ZNF280B: variants seen among roughly 807,000 people sequenced by gnomAD.
ZNF280B encodes zinc finger protein 280B.
A neutral mutation model predicts 38.0 loss-of-function variants in ZNF280B; 16 were observed. The observed-to-expected ratio is 0.42, with a 90% confidence interval of 0.28 to 0.64. ZNF280B has a LOEUF of 0.64. ZNF280B is among the 30% of genes least tolerant of loss of function. The pLI is 0.21. For missense variants in ZNF280B, 581 were observed against 639.6 expected (o/e 0.91, Z 0.99); for synonymous variants, 253 against 230.6 (o/e 1.10, Z -0.88).
intron 2 of ZNF280B, among the ~76,000 whole-genome samples, chr22:22,497,184 G>GAGC (rs1468126860): frequency 1.8e-5 from 2 of 110,720 alleles, no homozygotes; most frequent in East Asian, 6.0e-4. Flanking sequence ...TTCCTCCTAT[G>GAGC]AGCAGAATCT....
In ZNF280B at chr22:22,485,487, T is replaced by A. The variant is rs1302784517; in HGVS notation, c.*2280A>T. On this transcript the variant is annotated 3_prime_UTR_variant, in exon 4 of 4. Transcript: ENST00000626650. ...GCAACGTAACTGAAAAGACCTAGTATAGTGTTCAAGGTGCAAATCAATCAA... is the reference window on the plus strand; with the variant it reads ...GCAACGTAACTGAAAAGACCTAGTAAAGTGTTCAAGGTGCAAATCAATCAA... 3 of 151,914 alleles carry A rather than the reference T, an allele frequency of 2.0e-5. No individual in the cohort carries two copies. Among genetic ancestry groups the A allele is most frequent in the African/African-American group, 7.3e-5 (3 of 41,350 alleles). 9.4% of individuals were successfully genotyped at this position (151,914 alleles called of 1,614,324 possible). A position where few individuals can be genotyped will look rare whatever the true frequency, so the allele number is the denominator to read the frequency against.
In ZNF280B at chr22:22,489,450, T is replaced by A; in HGVS notation, c.-52A>T. 1 of 1,499,926 alleles carries A rather than the reference T, an allele frequency of 6.7e-7. No homozygotes were observed. The highest frequency in any genetic ancestry group is 8.9e-7 in the Non-Finnish European group (1 of 1,118,384). The allele number at this position is 1,499,926 out of a possible 1,614,324, so 92.9% of individuals were successfully genotyped here. On this transcript the variant is annotated 5_prime_UTR_variant, in exon 4 of 4. In the 5' UTR this introduces an upstream ATG that the reference lacks. Coordinates refer to ENST00000626650, the MANE Select transcript of ZNF280B (RefSeq NM_080764.4). ...TGGGGCCACAAGTCCCAATGCTTCC[T>A]TTATATAAACTGCCACCTAAGTACA...
At position 22,492,573 on chromosome 22, in the gene ZNF280B, A is replaced by G. The variant is rs367834343; in HGVS notation, c.-69+1490T>C. On this transcript the variant is annotated intron_variant, in intron 3 of 3. Transcript: ENST00000626650. Reference sequence around the variant, plus strand: ...CTACCTTCTACATAATTCTAAATGTATTTTCTAACATCCTCTCTAAAGAAA... The same window carrying G: ...CTACCTTCTACATAATTCTAAATGTGTTTTCTAACATCCTCTCTAAAGAAA... Among the ~76,000 whole-genome samples, 11 of 152,044 alleles carry G rather than the reference A, an allele frequency of 7.2e-5. No homozygotes were observed. The East Asian group carries it at 1.4e-3, about 19-fold the overall frequency.
chr22:22,496,610 T>G (rs558834223), intron 2 of ZNF280B, among the ~76,000 whole-genome samples: 2 of 151,852 alleles, frequency 1.3e-5, no homozygotes, highest in Non-Finnish European at 1.5e-5. Context: ...AATTCTAAGA[T>G]AGCAAACGTG....
At chr22:22,496,243 TGC>T (rs2061692150) in intron 2 of ZNF280B, among the ~76,000 whole-genome samples, 1 of 150,136 alleles carries the variant, frequency 6.7e-6, no homozygotes, top group South Asian at 2.1e-4. Context: ...ACTATAGGTG[TGC>T]GCCACCATGC....
rs1569172442 is a variant in ZNF280B, at chr22:22,488,047, T to TA, written c.1351dup (p.Tyr451LeufsTer2). The TA allele has an allele frequency of 6.2e-7, 1 of 1,613,920 alleles. No individual in the cohort carries two copies. The stretch of plus-strand genomic sequence containing the variant: ...TGCACTCTTTCCCCAGTGGCCCCTA[T>TA]AATGACACATGTATGGTGTTGCTGT... On this transcript the variant is annotated frameshift_variant, in exon 4 of 4. Transcript: ENST00000626650. LOFTEE classifies it high-confidence loss of function.
At chr22:22,503,528 A>C (rs529813348) in intron 2 of ZNF280B, among the ~76,000 whole-genome samples, 1 of 152,140 alleles carries the variant, frequency 6.6e-6, no homozygotes, top group Non-Finnish European at 1.5e-5. Flanking sequence ...AAGCTCATCT[A>C]GCGAACAAAA....
upstream of ZNF280B, chr22:22,508,913 GAGA>G (rs1166999723): frequency 6.6e-6 from 1 of 152,218 alleles, no homozygotes; most frequent in African/African-American, 2.4e-5. Context: ...GGGTTAAATT[GAGA>G]AGGAGGAGGG....
In ZNF280B at chr22:22,488,984, A is replaced by T; in HGVS notation, c.415T>A (p.Ser139Thr). The change falls in exon 4 of 4, where the codon TCA becomes ACA. Residue 139 changes from serine (S) to threonine (T), a missense_variant. Transcript: ENST00000626650. Reference protein sequence around the residue: ...SSPQVVPNNSSELPSPLITFT... With the variant: ...SSPQVVPNNSTELPSPLITFT... ...GTAATCAAAGGAGAAGGTAATTCTG[A>T]AGAGTTATTAGGCACAACTTGTGGT... The T allele has an allele frequency of 1.2e-6, 2 of 1,613,862 alleles. No homozygotes were observed. Among genetic ancestry groups the T allele is most frequent in the Non-Finnish European group, 1.7e-6 (2 of 1,179,962 alleles).
intron 2 of ZNF280B, among the ~76,000 whole-genome samples, chr22:22,497,383 T>C (rs1035018382): frequency 6.6e-6 from 1 of 151,310 alleles, no homozygotes; most frequent in African/African-American, 2.4e-5. Flanking sequence ...ACACAAAAAT[T>C]TGCCGGGAGT....
intron 2 of ZNF280B, among the ~76,000 whole-genome samples, chr22:22,502,531 AAATT>A (rs1462683426): frequency 6.6e-6 from 1 of 152,018 alleles, no homozygotes; most frequent in African/African-American, 2.4e-5. Context: ...AACCGAATGT[AAATT>A]AATTGATAAA....
intron 2 of ZNF280B, among the ~76,000 whole-genome samples, chr22:22,504,800 C>G (rs1055048399): frequency 3.3e-5 from 5 of 151,824 alleles, no homozygotes; most frequent in African/African-American, 1.2e-4. Context: ...AATCTCATTA[C>G]TACAGAGAAA....
At position 22,488,501 on chromosome 22, in the gene ZNF280B, C is replaced by A; in HGVS notation, c.898G>T (p.Glu300Ter). ...YGQHKGEGQP[E>*]QKTHTTFKCL... The stretch of plus-strand genomic sequence containing the variant: ...TTAAAGGTGGTGTGAGTCTTCTGTT[C>A]CGGCTGCCCTTCTCCTTTATGCTGT... Residue 300 changes from glutamate to a stop codon, truncating the protein, a stop_gained, in exon 4 of 4, where the codon GAA becomes TAA. Transcript: ENST00000626650. LOFTEE classifies it high-confidence loss of function. The A allele has an allele frequency of 6.2e-7, 1 of 1,613,884 alleles. No homozygotes were observed. Among genetic ancestry groups the A allele is most frequent in the Non-Finnish European group, 8.5e-7 (1 of 1,179,960 alleles).
chr22:22,505,493 A>G lies in ZNF280B; in HGVS notation c.-187+2317T>C, dbSNP rs184811108. On this transcript the variant is annotated intron_variant, in intron 2 of 3. Transcript: ENST00000626650. ...AGGCAGGAGAATTGCTTGAACCCAGAAGACAGAGGCTGCGGTGTGCTGAGA... is the reference window on the plus strand; with the variant it reads ...AGGCAGGAGAATTGCTTGAACCCAGGAGACAGAGGCTGCGGTGTGCTGAGA... Among the ~76,000 whole-genome samples the G allele has an allele frequency of 1.3e-3, 196 of 151,854 alleles. 8 individuals carry two copies. The East Asian group carries it at 0.02, about 15-fold the overall frequency.
At position 22,489,323 on chromosome 22, in the gene ZNF280B, C is replaced by T. The variant is rs1045095792; in HGVS notation, c.76G>A (p.Glu26Lys). 2.0e-5 allele frequency: 32 copies of T among 1,613,614 alleles called. No homozygotes were observed. The highest frequency in any genetic ancestry group is 2.5e-5 in the Non-Finnish European group (29 of 1,179,924). ...NIQETKQVDD[E>K]DAELIFVGVE... Reference sequence around the variant, plus strand: ...CCAACAAAGATGAGCTCAGCATCTTCGTCATCTACTTGTTTGGTTTCTTGT... The same window carrying T: ...CCAACAAAGATGAGCTCAGCATCTTTGTCATCTACTTGTTTGGTTTCTTGT... The change falls in exon 4 of 4, where the codon GAA (glutamate) becomes AAA (lysine). Residue 26 changes from glutamate (E) to lysine (K), a missense_variant. Transcript: ENST00000626650.
intron 2 of ZNF280B, among the ~76,000 whole-genome samples, chr22:22,503,938 CCA>C (rs2061879158): frequency 6.6e-6 from 1 of 151,896 alleles, no homozygotes; most frequent in Admixed American, 6.6e-5. Flanking sequence ...GGAAAAAACC[CCA>C]GTTAAGACTT....
chr22:22,503,608 C>T lies in ZNF280B; in HGVS notation c.-187+4202G>A, dbSNP rs2061871369. Among the ~76,000 whole-genome samples, 3 of 151,922 alleles carry T rather than the reference C, an allele frequency of 2.0e-5. No homozygotes were observed. The South Asian group carries it at 6.2e-4, about 32-fold the overall frequency. On this transcript the variant is annotated intron_variant, in intron 2 of 3. Coordinates refer to ENST00000626650, the MANE Select transcript of ZNF280B (RefSeq NM_080764.4). ...GAGTCATACATTCCCAAGGATGGAACAGTTATATCTCCTTGCAGAGTGAAC... is the reference window on the plus strand; with the variant it reads ...GAGTCATACATTCCCAAGGATGGAATAGTTATATCTCCTTGCAGAGTGAAC...
chr22:22,490,348 C>G (rs1394326227), intron 3 of ZNF280B, among the ~76,000 whole-genome samples: 10 of 151,888 alleles, frequency 6.6e-5, no homozygotes, highest in Admixed American at 6.6e-4. Context: ...AGTAAAAGAC[C>G]AAGTATTACC....
At chr22:22,505,394 C>T (rs1445644751) in intron 2 of ZNF280B, among the ~76,000 whole-genome samples, 3 of 151,578 alleles carry the variant, frequency 2.0e-5, no homozygotes, top group Admixed American at 2.0e-4. Flanking sequence ...GGTGAAACCC[C>T]GTCTCTACTA....
Sources: allele counts gnomAD v4.1 joint callset (sites outside exome capture counted in the v4.1 genomes callset), GRCh38; gene constraint gnomAD v4.1.1; transcripts MANE v1.5; gene names NCBI Gene and HGNC (gene_info 2026-07-23, HGNC 2026-07-21).